Variants in ARK2C observed in about 807,000 individuals in gnomAD.
ARK2C encodes the protein E3 ubiquitin-protein ligase ARK2C.
At chr18:46,350,409 G>T in the ARK2C span, among the ~76,000 whole-genome samples, 112 of 152,296 alleles carry the variant, frequency 7.4e-4, no homozygotes, top group East Asian at 0.017. Context: ...TCCTGGAGGC[G>T]TTGAGTCTTC....
chr18:46,359,976 T>C, the ARK2C span, among the ~76,000 whole-genome samples: 1 of 152,208 alleles, frequency 6.6e-6, no homozygotes, highest in Non-Finnish European at 1.5e-5. Flanking sequence ...TTATTCCAGA[T>C]ATCCATGTGT....
the ARK2C span, among the ~76,000 whole-genome samples, chr18:46,405,453 A>T: frequency 6.6e-6 from 1 of 152,138 alleles, no homozygotes; most frequent in Non-Finnish European, 1.5e-5. Context: ...CCAGGCAGGG[A>T]CAGGAGGGCT....
At chr18:46,375,481 G>A in the ARK2C span, among the ~76,000 whole-genome samples, 26 of 151,884 alleles carry the variant, frequency 1.7e-4, no homozygotes, top group African/African-American at 5.6e-4. Flanking sequence ...TTGAACTTGG[G>A]AGGTGGAGGT....
At chr18:46,433,539 G>T in the ARK2C span, 1 of 1,553,388 alleles carries the variant, frequency 6.4e-7, no homozygotes, top group Admixed American at 1.8e-5. Flanking sequence ...TGGGGACCCG[G>T]ATGGGGTCGG....
At chr18:46,358,820 T>C in the ARK2C span, among the ~76,000 whole-genome samples, 2 of 152,182 alleles carry the variant, frequency 1.3e-5, no homozygotes. Flanking sequence ...TGGTCATCAC[T>C]GTGTCCCGGT....
chr18:46,404,576 A>G, the ARK2C span, among the ~76,000 whole-genome samples: 1 of 152,136 alleles, frequency 6.6e-6, no homozygotes, highest in Non-Finnish European at 1.5e-5. Flanking sequence ...TAACATGGTG[A>G]AACCCATCTC....
chr18:46,347,042 G>T, the ARK2C span, among the ~76,000 whole-genome samples: 1 of 152,206 alleles, frequency 6.6e-6, no homozygotes, highest in African/African-American at 2.4e-5. Context: ...CTAGCAGGGA[G>T]ATATCTTAGC....
the ARK2C span, chr18:46,433,165 A>G: frequency 2.6e-6 from 4 of 1,533,350 alleles, no homozygotes; most frequent in Non-Finnish European, 3.5e-6. Context: ...GTCGTCATGG[A>G]GATGTCTCTG....
chr18:46,405,096 C>T, the ARK2C span, among the ~76,000 whole-genome samples: 39 of 152,208 alleles, frequency 2.6e-4, no homozygotes, highest in African/African-American at 7.7e-4. Flanking sequence ...TATCTAGGAC[C>T]TGATTCATAA....
chr18:46,397,754 T>C, the ARK2C span, among the ~76,000 whole-genome samples: 1 of 108,148 alleles, frequency 9.2e-6, no homozygotes, highest in Admixed American at 9.4e-5. Flanking sequence ...GGTGTGAGGG[T>C]GTGTGTGCAT....
chr18:46,367,698 T>G, the ARK2C span, among the ~76,000 whole-genome samples: 30 of 152,198 alleles, frequency 2.0e-4, no homozygotes, highest in Non-Finnish European at 3.4e-4. Flanking sequence ...CAAACTGGCC[T>G]CGGTGTCCCC....
the ARK2C span, among the ~76,000 whole-genome samples, chr18:46,376,963 C>T: frequency 2.0e-5 from 3 of 152,032 alleles, no homozygotes; most frequent in South Asian, 2.1e-4. Flanking sequence ...CCACAGGGCC[C>T]GGCCAAGAAT....
At chr18:46,373,612 G>A in the ARK2C span, among the ~76,000 whole-genome samples, 1 of 152,254 alleles carries the variant, frequency 6.6e-6, no homozygotes, top group Non-Finnish European at 1.5e-5. Context: ...GTGACGTTGA[G>A]GCTGAGAGCT....
At chr18:46,412,207 T>C in the ARK2C span, among the ~76,000 whole-genome samples, 1 of 152,238 alleles carries the variant, frequency 6.6e-6, no homozygotes, top group Non-Finnish European at 1.5e-5. Context: ...ATTGGGCAAC[T>C]GCCCACAAAT....
At chr18:46,439,411 T>A in the ARK2C span, among the ~76,000 whole-genome samples, 1 of 152,164 alleles carries the variant, frequency 6.6e-6, no homozygotes, top group Non-Finnish European at 1.5e-5. Flanking sequence ...CCATGCCTCC[T>A]GCCATCTCGC....
chr18:46,375,602 G>A, the ARK2C span, among the ~76,000 whole-genome samples: 5 of 150,450 alleles, frequency 3.3e-5, no homozygotes, highest in Non-Finnish European at 7.4e-5. Context: ...ATAATAACTT[G>A]TCCTGGCTTC....
At chr18:46,456,125 A>C in the ARK2C span, 1 of 1,159,206 alleles carries the variant, frequency 8.6e-7, no homozygotes, top group African/African-American at 1.5e-5. Flanking sequence ...TCTTATAGGT[A>C]TTGGTGACCA....
the ARK2C span, among the ~76,000 whole-genome samples, chr18:46,373,586 G>A: frequency 1.3e-5 from 2 of 152,194 alleles, no homozygotes; most frequent in African/African-American, 4.8e-5. Flanking sequence ...GACGCTGAGG[G>A]CTTTATAGAT....
the ARK2C span, among the ~76,000 whole-genome samples, chr18:46,389,422 C>A: frequency 6.6e-6 from 1 of 152,206 alleles, no homozygotes; most frequent in Non-Finnish European, 1.5e-5. Context: ...CAAAGAGTGT[C>A]AGGTCATCTG....
Sources: allele counts gnomAD v4.1 joint callset (sites outside exome capture counted in the v4.1 genomes callset), GRCh38; gene constraint gnomAD v4.1.1; transcripts MANE v1.5; gene names NCBI Gene and HGNC (gene_info 2026-07-23, HGNC 2026-07-21).